Variants in LRRC7 observed in about 807,000 individuals in gnomAD.
LRRC7 encodes leucine-rich repeat-containing protein 7.
LRRC7 carries 23 observed loss-of-function variants against 175.7 expected under a neutral mutation model. The ratio of observed to expected loss-of-function variants is 0.13; its 90% CI spans 0.09 to 0.19. LRRC7 has a LOEUF of 0.19. Among genes scored for constraint, LRRC7 ranks in the 10% least tolerant of loss-of-function variants. The pLI is 1.00. For missense variants in LRRC7, 1,354 were observed against 1,904.7 expected, an observed-to-expected ratio of 0.71 and a Z score of 5.38; for synonymous variants, 685 against 680.9, an observed-to-expected ratio of 1.01 and a Z score of -0.09.
At chr1:69,921,163 A>C (rs1646876962) in intron 7 of LRRC7, among the ~76,000 whole-genome samples, 1 of 151,166 alleles carries the variant, frequency 6.6e-6, no homozygotes, top group Non-Finnish European at 1.5e-5. Context: ...ATTTGGAAAA[A>C]GTAACAATTC....
At chr1:69,922,913 A>C (rs1465126929) in intron 7 of LRRC7, among the ~76,000 whole-genome samples, 1 of 151,798 alleles carries the variant, frequency 6.6e-6, no homozygotes, top group African/African-American at 2.4e-5. Context: ...TGCACCCATT[A>C]ACTCGTCATT....
chr1:69,996,335 TTC>T (rs1654963035), intron 11 of LRRC7, among the ~76,000 whole-genome samples: 1 of 152,210 alleles, frequency 6.6e-6, no homozygotes, highest in South Asian at 2.1e-4. Flanking sequence ...TGCGAAAATT[TTC>T]TCCCATTTTG....
At chr1:69,907,123 T>A (rs1646343162) in intron 7 of LRRC7, among the ~76,000 whole-genome samples, 1 of 152,170 alleles carries the variant, frequency 6.6e-6, no homozygotes, top group African/African-American at 2.4e-5. Context: ...ATCCTGAGAC[T>A]TTGCTGAAGT....
intron 1 of LRRC7, among the ~76,000 whole-genome samples, chr1:69,578,720 G>C (rs1310506762): frequency 1.2e-4 from 17 of 146,946 alleles, no homozygotes; most frequent in East Asian, 8.2e-4. Flanking sequence ...CATATTCTCA[G>C]TCATAGGTGT....
Position 69,662,617 on chromosome 1 carries a change from CAT to C in LRRC7, c.3-15763_3-15762del, listed in dbSNP as rs1161349887. 3.3e-5 allele frequency among the ~76,000 whole-genome samples: 5 copies of C among 152,140 alleles called. No homozygotes were observed. The East Asian group carries it at 5.8e-4, about 18-fold the overall frequency. ...TTTTAAGCAGTTTAGGTGTGGTTAA[CAT>C]GTGGTTTCTTTTCACACTAATCTTG... On this transcript the variant is annotated intron_variant, in intron 1 of 26. Coordinates refer to ENST00000651989, the MANE Select transcript of LRRC7 (RefSeq NM_001370785.2).
chr1:69,942,216 A>G (rs1238630887), intron 8 of LRRC7, among the ~76,000 whole-genome samples: 1 of 152,108 alleles, frequency 6.6e-6, no homozygotes, highest in African/African-American at 2.4e-5. Context: ...ATTGCAAATC[A>G]TATAAACACA....
At chr1:70,089,613 G>T in intron 24 of LRRC7, 114 bp from the exon 25 acceptor site, 1 of 676,528 alleles carries the variant, frequency 1.5e-6, no homozygotes, top group Non-Finnish European at 2.5e-6. Context: ...ACTCAACATA[G>T]GCTAACCCTA....
intron 3 of LRRC7, among the ~76,000 whole-genome samples, chr1:69,769,219 C>T (rs1671952509): frequency 6.6e-6 from 1 of 152,184 alleles, no homozygotes; most frequent in Admixed American, 6.5e-5. Context: ...TATTGTTTAA[C>T]TCCTTTGAGC....
chr1:69,699,828 C>T (rs1358994854), intron 2 of LRRC7, among the ~76,000 whole-genome samples: 1 of 152,156 alleles, frequency 6.6e-6, no homozygotes, highest in Non-Finnish European at 1.5e-5. Context: ...AGCCGGGTAG[C>T]CTCGCATAAC....
chr1:69,953,945 T>A (rs1345641732), intron 8 of LRRC7, among the ~76,000 whole-genome samples: 2 of 152,058 alleles, frequency 1.3e-5, no homozygotes, highest in Non-Finnish European at 2.9e-5. Flanking sequence ...AGTTAATAAG[T>A]ATAGAATTTG....
At chr1:69,740,043 G>A (rs560472091) in intron 2 of LRRC7, among the ~76,000 whole-genome samples, 2 of 152,052 alleles carry the variant, frequency 1.3e-5, no homozygotes, top group South Asian at 4.1e-4. Context: ...AATAGGCAAT[G>A]AGAGGTTAGA....
chr1:69,860,413 C>G (rs1444552369), intron 7 of LRRC7, among the ~76,000 whole-genome samples: 1 of 151,816 alleles, frequency 6.6e-6, no homozygotes, highest in East Asian at 1.9e-4. Flanking sequence ...GAAACGTGAC[C>G]AATATTGCAC....
chr1:69,639,339 T>C (rs910186380), intron 1 of LRRC7, among the ~76,000 whole-genome samples: 2 of 151,832 alleles, frequency 1.3e-5, no homozygotes, highest in Non-Finnish European at 2.9e-5. Flanking sequence ...ATGAAACTTT[T>C]AGTATATAGA....
At chr1:69,936,435 T>G (rs1648032971) in intron 8 of LRRC7, among the ~76,000 whole-genome samples, 1 of 152,242 alleles carries the variant, frequency 6.6e-6, no homozygotes, top group Non-Finnish European at 1.5e-5. Flanking sequence ...AGTTTTATAA[T>G]TTTCTTCAGA....
intron 9 of LRRC7, among the ~76,000 whole-genome samples, chr1:69,985,252 A>C (rs1419253158): frequency 6.6e-6 from 1 of 152,196 alleles, no homozygotes; most frequent in Non-Finnish European, 1.5e-5. Context: ...ATTGTTCTTG[A>C]ATACGTAACA....
At chr1:70,056,856 A>AG (rs1204642829) in intron 23 of LRRC7, among the ~76,000 whole-genome samples, 2 of 152,208 alleles carry the variant, frequency 1.3e-5, no homozygotes, top group Non-Finnish European at 2.9e-5. Flanking sequence ...GGAAATAGTG[A>AG]GGGAAAAATG....
chr1:69,846,086 C>T (rs2101423748), intron 7 of LRRC7, among the ~76,000 whole-genome samples: 1 of 152,138 alleles, frequency 6.6e-6, no homozygotes, highest in Admixed American at 6.6e-5. Context: ...GTTATATTTT[C>T]AATTCAAATG....
intron 7 of LRRC7, among the ~76,000 whole-genome samples, chr1:69,929,644 C>T (rs1647207206): frequency 6.6e-6 from 1 of 152,186 alleles, no homozygotes; most frequent in African/African-American, 2.4e-5. Flanking sequence ...CCACCATCAC[C>T]TCTTATTTGA....
intron 1 of LRRC7, among the ~76,000 whole-genome samples, chr1:69,663,383 T>C (rs1169499289): frequency 6.6e-6 from 1 of 152,196 alleles, no homozygotes; most frequent in African/African-American, 2.4e-5. Context: ...ATGGGTTACA[T>C]GAGATATTTT....
Sources: gnomAD v4.1 joint callset for allele counts (sites outside exome capture counted in the v4.1 genomes callset) on GRCh38, gnomAD v4.1.1 for gene constraint, MANE v1.5 for transcripts, NCBI Gene and HGNC (gene_info 2026-07-23, HGNC 2026-07-21) for gene names.